ELFN1: variants seen among roughly 807,000 people sequenced by gnomAD.
ELFN1 encodes the protein protein ELFN1.
Under a neutral mutation model 7.6 loss-of-function variants are expected in ELFN1, and 6 were observed. That is an observed-to-expected ratio of 0.79 (90% confidence interval 0.43 to 1.56). ELFN1 has a LOEUF of 1.56. Among genes scored for constraint, ELFN1 ranks in the 40% most tolerant of loss-of-function variants. ELFN1 has a pLI of 0.01. For synonymous variants in ELFN1, 657 were observed against 588.1 expected, an observed-to-expected ratio of 1.12 and a Z score of -1.70; for missense variants, 1,169 against 1,232.2, an observed-to-expected ratio of 0.95 and a Z score of 0.77.
Position 1,746,190 on chromosome 7 carries a change from G to C in ELFN1, c.1594G>C (p.Asp532His). 1 of 1,551,006 alleles carries C rather than the reference G, an allele frequency of 6.4e-7. No homozygotes were observed. The highest frequency in any genetic ancestry group is 8.7e-7 in the Non-Finnish European group (1 of 1,147,900). ...KGSYMEVRTG[D>H]PPERRDCELG... ...CAGCTACATGGAGGTTCGAACCGGG[G>C]ACCCTCCGGAACGCAGGGACTGTGA... The change falls in exon 4 of 4, where the codon GAC becomes CAC. Residue 532 changes from aspartate (D) to histidine (H), a missense_variant. Transcript: ENST00000424383.
At chr7:1,733,190 C>T (rs796114574) in intron 3 of ELFN1, among the ~76,000 whole-genome samples, 43 of 152,306 alleles carry the variant, frequency 2.8e-4, no homozygotes, top group African/African-American at 9.6e-4. Context: ...TGTGAGCCAC[C>T]GCACCCAGCC....
At chr7:1,733,872 C>CT (rs1322742923) in intron 3 of ELFN1, among the ~76,000 whole-genome samples, 1 of 152,088 alleles carries the variant, frequency 6.6e-6, no homozygotes, top group Admixed American at 6.5e-5. Flanking sequence ...GGAGCCAGGC[C>CT]TCAGCTCCCC....
rs371483298 is a variant in ELFN1 at position 1,679,353 on chromosome 7, C to T, written c.-548-8705C>T. On this transcript the variant is annotated intron_variant, in intron 1 of 3. Coordinates refer to ENST00000424383, the MANE Select transcript of ELFN1 (RefSeq NM_001128636.4). The stretch of plus-strand genomic sequence containing the variant: ...TCACGGCTGCACATCCCCCTCCCTG[C>T]AGGAGGCTCTGGGACCTCCCCAAGC... Among the ~76,000 whole-genome samples the T allele has an allele frequency of 2.9e-3, 441 of 152,278 alleles. 1 individual carries two copies. The highest frequency in any genetic ancestry group is 7.8e-3 in the Admixed American group (120 of 15,310).
At chr7:1,721,459 G>A (rs756794568) in intron 3 of ELFN1, among the ~76,000 whole-genome samples, 1 of 152,236 alleles carries the variant, frequency 6.6e-6, no homozygotes, top group Non-Finnish European at 1.5e-5. Flanking sequence ...GCTGGACAGT[G>A]CATCTGCCCT....
chr7:1,729,900 T>C (rs1780291406), intron 3 of ELFN1, among the ~76,000 whole-genome samples: 1 of 152,236 alleles, frequency 6.6e-6, no homozygotes, highest in African/African-American at 2.4e-5. Flanking sequence ...TGTCCATCTG[T>C]CAGCACGGAT....
rs1022345248 is a variant in ELFN1, at chr7:1,744,471, C to G, written c.-126C>G. 8.6e-6 allele frequency: 10 copies of G among 1,161,456 alleles called. No homozygotes were observed. The African/African-American group carries it at 9.7e-5, about 11-fold the overall frequency. 71.9% of individuals were successfully genotyped at this position (1,161,456 alleles called of 1,614,324 possible). A position where few individuals can be genotyped will look rare whatever the true frequency, so the allele number is the denominator to read the frequency against. On this transcript the variant is annotated 5_prime_UTR_variant, in exon 4 of 4. Coordinates refer to ENST00000424383, the MANE Select transcript of ELFN1 (RefSeq NM_001128636.4). ...CGTCGCGCGGCCATGCGGTTTGGGA[C>G]AGGACACCCCTGAGAGTGCAGGCAC... is the stretch of plus-strand genomic sequence containing the variant.
upstream of ELFN1, among the ~76,000 whole-genome samples, chr7:1,669,622 T>C (rs915989270): frequency 2.0e-5 from 3 of 152,222 alleles, no homozygotes; most frequent in African/African-American, 7.2e-5. Flanking sequence ...AGGGTGAAAC[T>C]GAGCCGAAGA....
rs1030688751 is a variant in ELFN1, at chr7:1,679,819, C to T, written c.-548-8239C>T. On this transcript the variant is annotated intron_variant, in intron 1 of 3. Coordinates refer to ENST00000424383, the MANE Select transcript of ELFN1 (RefSeq NM_001128636.4). ...ACTCTGCCCCTGTCCTTGGCCATTGCGGGCGTGGTGTCCCCAGTCCTCTGA... is the reference window on the plus strand; with the variant it reads ...ACTCTGCCCCTGTCCTTGGCCATTGTGGGCGTGGTGTCCCCAGTCCTCTGA... Among the ~76,000 whole-genome samples the T allele has an allele frequency of 9.8e-5, 15 of 152,332 alleles. No homozygotes were observed. The South Asian group carries it at 1.0e-3, about 11-fold the overall frequency.
At position 1,747,254 on chromosome 7, in the gene ELFN1, T is replaced by G; in HGVS notation, c.*171T>G. ...CAGACAAGGGGGACACGTCCCGAGCTCCTGTGGCCGGTCCTGGGATGCGCT... is the reference window on the plus strand; with the variant it reads ...CAGACAAGGGGGACACGTCCCGAGCGCCTGTGGCCGGTCCTGGGATGCGCT... On this transcript the variant is annotated 3_prime_UTR_variant, in exon 4 of 4. Transcript: ENST00000424383. 1.4e-6 allele frequency: 1 copy of G among 706,700 alleles called. No individual in the cohort carries two copies. 43.8% of individuals were successfully genotyped at this position (706,700 alleles called of 1,614,324 possible).
rs115167340 is a variant in ELFN1, at chr7:1,729,382, G to A, written c.-293-14922G>A. Among the ~76,000 whole-genome samples the A allele has an allele frequency of 2.9e-3, 447 of 152,310 alleles. 3 individuals carry two copies. The highest frequency in any genetic ancestry group is 3.8e-3 in the Non-Finnish European group (260 of 68,034). On this transcript the variant is annotated intron_variant, in intron 3 of 3. Transcript: ENST00000424383. ...GGCACTGGGAAGGGCTCAGCAGGGC[G>A]GTTCACCTCTGCTCAGCAGCGGCTC... is the stretch of plus-strand genomic sequence containing the variant.
At chr7:1,717,802 TG>T (rs1779880438) in intron 3 of ELFN1, among the ~76,000 whole-genome samples, 1 of 151,966 alleles carries the variant, frequency 6.6e-6, no homozygotes, top group Non-Finnish European at 1.5e-5. Context: ...GGTGCCAGGG[TG>T]GGCATGTCAG....
chr7:1,691,267 G>T (rs1779157751), intron 2 of ELFN1, among the ~76,000 whole-genome samples: 2 of 152,334 alleles, frequency 1.3e-5, no homozygotes, highest in Non-Finnish European at 1.5e-5. Flanking sequence ...GATCCCAGCA[G>T]ACAGGAGGTC....
In ELFN1 at chr7:1,740,411, C is replaced by G. The variant is rs1409272238; in HGVS notation, c.-293-3893C>G. On this transcript the variant is annotated intron_variant, in intron 3 of 3. Coordinates refer to ENST00000424383, the MANE Select transcript of ELFN1 (RefSeq NM_001128636.4). This position sits in a 1 kb window ranked among gnomAD's most constrained non-coding sequence, Gnocchi z 5.0. Reference sequence around the variant, plus strand: ...CGCCCATGCGGGGTCTCCGCACCTGCCCTCCGTGCCAGACAGCACTCCTTT... The same window carrying G: ...CGCCCATGCGGGGTCTCCGCACCTGGCCTCCGTGCCAGACAGCACTCCTTT... Among the ~76,000 whole-genome samples, 1 of 152,254 alleles carries G rather than the reference C, an allele frequency of 6.6e-6. No homozygotes were observed. Among genetic ancestry groups the G allele is most frequent in the Non-Finnish European group, 1.5e-5 (1 of 68,032 alleles).
At chr7:1,686,868 T>C (rs1172387707) in intron 1 of ELFN1, among the ~76,000 whole-genome samples, 1 of 152,092 alleles carries the variant, frequency 6.6e-6, no homozygotes, top group East Asian at 1.9e-4. Flanking sequence ...TTCATGCAAC[T>C]CTCTGTCAGA....
intron 1 of ELFN1, among the ~76,000 whole-genome samples, chr7:1,687,511 C>G (rs1009433011): frequency 6.6e-6 from 1 of 152,112 alleles, no homozygotes; most frequent in Non-Finnish European, 1.5e-5. Context: ...ACCCTTCTCT[C>G]CTCCAGGGGA....
chr7:1,745,245 C>A lies in ELFN1; in HGVS notation c.649C>A (p.Arg217Ser). The A allele has an allele frequency of 6.5e-7, 1 of 1,540,438 alleles. No homozygotes were observed. Among genetic ancestry groups the A allele is most frequent in the Non-Finnish European group, 8.7e-7 (1 of 1,146,890 alleles). The change falls in exon 4 of 4, where the codon CGC becomes AGC. Residue 217 changes from arginine to serine, a missense_variant. Transcript: ENST00000424383. Reference protein sequence around the residue: ...AFTNATQTYDRMQCESPPVYS... With the variant: ...AFTNATQTYDSMQCESPPVYS... ...CACCAACGCCACACAGACGTACGACCGCATGCAGTGCGAGTCGCCGCCCGT... is the reference window on the plus strand; with the variant it reads ...CACCAACGCCACACAGACGTACGACAGCATGCAGTGCGAGTCGCCGCCCGT...
rs1296360654 is a variant in ELFN1 at position 1,735,169 on chromosome 7, C to T, written c.-293-9135C>T. Among the ~76,000 whole-genome samples, 2 of 152,158 alleles carry T rather than the reference C, an allele frequency of 1.3e-5. No homozygotes were observed. Among genetic ancestry groups the T allele is most frequent in the East Asian group, 1.9e-4 (1 of 5,190 alleles). The stretch of plus-strand genomic sequence containing the variant: ...CCCTGAACCCTGGGGAGGGGCTTTG[C>T]ATGCGGGAGGTGCTGCACACCGGCG... On this transcript the variant is annotated intron_variant, in intron 3 of 3. Coordinates refer to ENST00000424383, the MANE Select transcript of ELFN1 (RefSeq NM_001128636.4). The surrounding 1 kb of genome is among the most constrained non-coding windows in gnomAD (Gnocchi z 5.9).
intron 3 of ELFN1, among the ~76,000 whole-genome samples, chr7:1,723,026 C>T (rs528094771): frequency 3.9e-4 from 59 of 152,270 alleles, no homozygotes; most frequent in African/African-American, 1.0e-3. Flanking sequence ...GAAACCCCAT[C>T]TCTACTAAAA....
At chr7:1,687,348 A>AT (rs540081522) in intron 1 of ELFN1, among the ~76,000 whole-genome samples, 4,048 of 146,630 alleles carry the variant, frequency 0.028, 170 homozygotes, top group African/African-American at 0.093. Context: ...ACCCTGTGGT[A>AT]TTTTTTTTTT....
Sources: gnomAD v4.1 joint callset for allele counts (sites outside exome capture counted in the v4.1 genomes callset) on GRCh38, gnomAD v4.1.1 for gene constraint, Gnocchi (gnomAD v3.1) non-coding constraint, MANE v1.5 for transcripts, NCBI Gene and HGNC (gene_info 2026-07-23, HGNC 2026-07-21) for gene names.